PLAAT1: variants seen among roughly 807,000 people sequenced by gnomAD.
PLAAT1 encodes the protein phospholipase A and acyltransferase 1.
In PLAAT1, 13 loss-of-function variants were observed where a neutral mutation model predicts 16.4. That is an observed-to-expected ratio of 0.79 (90% CI 0.52 to 1.26). The LOEUF is 1.26. Ranked by LOEUF, PLAAT1 falls within the 50% of genes most tolerant of loss-of-function variation. The pLI, the probability that PLAAT1 is intolerant of heterozygous loss-of-function variation, is 0.00. For synonymous variants in PLAAT1, 73 were observed against 78.4 expected, an observed-to-expected ratio of 0.93 and a Z score of 0.36; for missense variants, 218 against 207.8, an observed-to-expected ratio of 1.05 and a Z score of -0.30.
At chr3:193,281,149 C>G (rs141493831), downstream of PLAAT1, 5 of 983,322 alleles carry the variant, frequency 5.1e-6, no homozygotes, top group Non-Finnish European at 6.0e-6. Context: ...CTTGGTGATA[C>G]GATTTCAGGA....
chr3:193,270,348 A>G (rs1303236510), intron 3 of PLAAT1, among the ~76,000 whole-genome samples: 1 of 152,232 alleles, frequency 6.6e-6, no homozygotes, highest in Non-Finnish European at 1.5e-5. Flanking sequence ...TAATTAGTTT[A>G]TAAACTGTCA....
At chr3:193,267,873 T>A (rs1716834368) in intron 3 of PLAAT1, among the ~76,000 whole-genome samples, 3 of 152,236 alleles carry the variant, frequency 2.0e-5, no homozygotes, top group Admixed American at 2.0e-4. Flanking sequence ...CAGCATTTGA[T>A]GTTATCAGTA....
At position 193,262,776 on chromosome 3, in the gene PLAAT1, C is replaced by T. The variant is rs552660752; in HGVS notation, c.140-194C>T. On this transcript the variant is annotated intron_variant, in intron 2 of 3. Transcript: ENST00000264735. ...AAAAAGTTTTTCTTATATTCTCACT[C>T]ATACAATAGTAAGTGTTACTGCTAA... 9.2e-5 allele frequency among the ~76,000 whole-genome samples: 14 copies of T among 152,304 alleles called. No individual in the cohort carries two copies. In the East Asian group the frequency reaches 2.3e-3, roughly 25 times the overall value.
intron 2 of PLAAT1, among the ~76,000 whole-genome samples, chr3:193,261,036 T>TA (rs1716565646): frequency 6.6e-6 from 1 of 152,208 alleles, no homozygotes; most frequent in African/African-American, 2.4e-5. Flanking sequence ...CTGTATTTTA[T>TA]AAATGTTTAA....
At chr3:193,276,068 T>C (rs1717186067) in intron 2 of PLAAT1, among the ~76,000 whole-genome samples, 1 of 152,192 alleles carries the variant, frequency 6.6e-6, no homozygotes, top group Non-Finnish European at 1.5e-5. Flanking sequence ...TATTTTTCTC[T>C]TCTTTTGGGT....
At chr3:193,275,188 G>A, downstream of PLAAT1, 1 of 1,614,132 alleles carries the variant, frequency 6.2e-7, no homozygotes, top group Non-Finnish European at 8.5e-7. Flanking sequence ...TTTATGGGAG[G>A]CCAGGTTGAG....
Position 193,241,354 on chromosome 3 carries a change from T to TGGCCCTGGAGGAC in PLAAT1, c.-174_-162dup. The TGGCCCTGGAGGAC allele has an allele frequency of 8.1e-7, 1 of 1,231,554 alleles. No individual in the cohort carries two copies. The highest frequency in any genetic ancestry group is 1.0e-6 in the Non-Finnish European group (1 of 987,864). 76.3% of individuals were successfully genotyped at this position (1,231,554 alleles called of 1,614,324 possible). On this transcript the variant is annotated 5_prime_UTR_variant, in exon 1 of 4. Coordinates refer to ENST00000264735, the MANE Select transcript of PLAAT1 (RefSeq NM_020386.5). ...AGCGTGGCGGCGCTGGTGCTGGCGT[T>TGGCCCTGGAGGAC]GGCCCTGGAGGACGGCCCCGAGTGA...
chr3:193,265,792 A>G (rs969295541), intron 3 of PLAAT1, among the ~76,000 whole-genome samples: 1 of 152,210 alleles, frequency 6.6e-6, no homozygotes, highest in Non-Finnish European at 1.5e-5. Context: ...ATGTAACAAT[A>G]AATTGCTTTT....
At chr3:193,247,840 G>A (rs1716036682) in intron 1 of PLAAT1, among the ~76,000 whole-genome samples, 1 of 152,100 alleles carries the variant, frequency 6.6e-6, no homozygotes, top group Admixed American at 6.5e-5. Flanking sequence ...TTTGCTTTGT[G>A]ATATATCATA....
intron 1 of PLAAT1, among the ~76,000 whole-genome samples, chr3:193,246,019 T>A (rs79324001): frequency 6.6e-6 from 1 of 152,220 alleles, no homozygotes; most frequent in Non-Finnish European, 1.5e-5. Flanking sequence ...AGAAATACAC[T>A]TCTTCCATTC....
intron 1 of PLAAT1, among the ~76,000 whole-genome samples, chr3:193,248,762 G>A (rs1423999850): frequency 6.6e-6 from 1 of 152,030 alleles, no homozygotes; most frequent in African/African-American, 2.4e-5. Flanking sequence ...ATGTCCATTA[G>A]CAAAGTATAG....
At chr3:193,264,624 C>T (rs771680173) in intron 3 of PLAAT1, among the ~76,000 whole-genome samples, 1 of 152,132 alleles carries the variant, frequency 6.6e-6, no homozygotes, top group South Asian at 2.1e-4. Context: ...CTGCTTCAGC[C>T]TCCCAAGTAG....
At chr3:193,279,819 A>T (rs1345779237), downstream of PLAAT1, among the ~76,000 whole-genome samples, 1 of 151,808 alleles carries the variant, frequency 6.6e-6, no homozygotes, top group African/African-American at 2.4e-5. Flanking sequence ...AAGTTCAGGG[A>T]TCCTCTATTG....
At chr3:193,262,652 A>G (rs1577308539) in intron 2 of PLAAT1, among the ~76,000 whole-genome samples, 1 of 152,300 alleles carries the variant, frequency 6.6e-6, no homozygotes, top group East Asian at 1.9e-4. Context: ...ACATACCAAC[A>G]TCTCTAATAA....
chr3:193,259,121 C>A (rs1315181698), intron 2 of PLAAT1, among the ~76,000 whole-genome samples: 2 of 152,120 alleles, frequency 1.3e-5, no homozygotes, highest in African/African-American at 2.4e-5. Flanking sequence ...TATGATTCAC[C>A]ACATAAACCA....
intron 2 of PLAAT1, among the ~76,000 whole-genome samples, chr3:193,258,263 A>G (rs1937997011): frequency 6.6e-6 from 1 of 152,168 alleles, no homozygotes; most frequent in Admixed American, 6.5e-5. Flanking sequence ...GCCTAAATCA[A>G]TGTTAAAAGG....
intron 1 of PLAAT1, among the ~76,000 whole-genome samples, chr3:193,252,973 C>T (rs1270877430): frequency 1.3e-5 from 2 of 152,056 alleles, no homozygotes; most frequent in South Asian, 2.1e-4. Context: ...TGTGGGTGAG[C>T]GGTGAGTAGG....
chr3:193,246,202 G>A (rs1248777576), intron 1 of PLAAT1, among the ~76,000 whole-genome samples: 2 of 152,092 alleles, frequency 1.3e-5, no homozygotes, highest in Non-Finnish European at 2.9e-5. Context: ...GTCATATATG[G>A]CCTTTATTGT....
In PLAAT1 at chr3:193,263,143, G is replaced by A. The variant is rs752144780; in HGVS notation, c.313G>A (p.Val105Ile). The A allele has an allele frequency of 1.2e-6, 2 of 1,614,194 alleles. No homozygotes were observed. Among genetic ancestry groups the A allele is most frequent in the Non-Finnish European group, 1.7e-6 (2 of 1,180,028 alleles). The change falls in exon 3 of 4, where the codon GTA becomes ATA. Residue 105 changes from valine (V) to isoleucine (I), a missense_variant. By Grantham distance (29) the Val-to-Ile change is conservative. Transcript: ENST00000264735. Reference protein sequence around the residue: ...VEEIIKRSEFVIGQEVAYNLL... With the variant: ...VEEIIKRSEFIIGQEVAYNLL... ...AGAAATCATAAAGCGGTCAGAGTTTGTAATTGGACAGGAGGTGGCCTATAA... is the reference window on the plus strand; with the variant it reads ...AGAAATCATAAAGCGGTCAGAGTTTATAATTGGACAGGAGGTGGCCTATAA...
Sources: gnomAD v4.1 joint callset for allele counts (sites outside exome capture counted in the v4.1 genomes callset) on GRCh38, gnomAD v4.1.1 for gene constraint, MANE v1.5 for transcripts, NCBI Gene and HGNC (gene_info 2026-07-23, HGNC 2026-07-21) for gene names.